UBE2L5: variants seen among roughly 807,000 people sequenced by gnomAD.
The protein encoded by UBE2L5 is ubiquitin conjugating enzyme E2 L5, also known as ubiquitin-conjugating enzyme E2 L5.
Under a neutral mutation model 10.0 loss-of-function variants are expected in UBE2L5, and 3 were observed. That is an observed-to-expected ratio of 0.30 (90% CI 0.14 to 0.78). The LOEUF is 0.78. UBE2L5 is among the 30% of genes least tolerant of loss of function. The probability of loss-of-function intolerance (pLI) is 0.65; values close to 1 mark genes in which losing one functional copy is unlikely to be tolerated. For synonymous variants in UBE2L5, 60 were observed against 71.9 expected (o/e 0.83, Z 0.83); for missense variants, 131 against 193.3 (o/e 0.68, Z 1.91).
rs141433423 is a variant in UBE2L5, at chr13:30,429,047, G to C, written c.*592G>C. ...TCACTTTGGGAAGCTGAGGTGGGTG[G>C]ATCACCTGAGGTCAGGAGTTCGAGA... is the stretch of plus-strand genomic sequence containing the variant. On this transcript the variant is annotated 3_prime_UTR_variant, in exon 4 of 4. Coordinates refer to ENST00000635918, the MANE Select transcript of UBE2L5 (RefSeq NM_001355247.2). Among the ~76,000 whole-genome samples the C allele has an allele frequency of 5.3e-5, 8 of 152,006 alleles. No individual in the cohort carries two copies. The highest frequency in any genetic ancestry group is 8.8e-5 in the Non-Finnish European group (6 of 68,006).
In UBE2L5 at chr13:30,428,912, C is replaced by G. The variant is rs7490159; in HGVS notation, c.*457C>G. Among the ~76,000 whole-genome samples, 1 of 132,256 alleles carries G rather than the reference C, an allele frequency of 7.6e-6. No homozygotes were observed. The highest frequency in any genetic ancestry group is 8.9e-5 in the Admixed American group (1 of 11,252). 86.8% of individuals were successfully genotyped at this position (132,256 alleles called of 152,430 possible). A position where few individuals can be genotyped will look rare whatever the true frequency, so the allele number is the denominator to read the frequency against. ...TGGGATGAGAGTGGCCACAGGAATT[C>G]GATGAGTCGTAGGAAATCCATTTTT... On this transcript the variant is annotated 3_prime_UTR_variant, in exon 4 of 4. Coordinates refer to ENST00000635918, the MANE Select transcript of UBE2L5 (RefSeq NM_001355247.2).
At chr13:30,426,872 G>A (rs1170679152) in intron 3 of UBE2L5, 94 bp downstream of exon 3, 1 of 152,054 alleles carries the variant, frequency 6.6e-6, no homozygotes, top group Non-Finnish European at 1.5e-5. Flanking sequence ...CCATTTTTTT[G>A]TTGTTCTAAT....
In UBE2L5 at chr13:30,429,269, G is replaced by T. The variant is rs143751026; in HGVS notation, c.*814G>T. On this transcript the variant is annotated 3_prime_UTR_variant, in exon 4 of 4. Transcript: ENST00000635918. ...CATTGCACTCCAGCCTGGGCAACAAGAGCAAAACTCTGTCCCCCCCCCACA... is the reference window on the plus strand; with the variant it reads ...CATTGCACTCCAGCCTGGGCAACAATAGCAAAACTCTGTCCCCCCCCCACA... Among the ~76,000 whole-genome samples the T allele has an allele frequency of 1.6e-3, 244 of 151,710 alleles. 1 individual carries two copies. Among genetic ancestry groups the T allele is most frequent in the African/African-American group, 5.7e-3 (233 of 41,180 alleles).
Position 30,428,909 on chromosome 13 carries a change from A to G in UBE2L5, c.*454A>G, listed in dbSNP as rs1885581532. On this transcript the variant is annotated 3_prime_UTR_variant, in exon 4 of 4. Transcript: ENST00000635918. Reference sequence around the variant, plus strand: ...AGATGGGATGAGAGTGGCCACAGGAATTCGATGAGTCGTAGGAAATCCATT... The same window carrying G: ...AGATGGGATGAGAGTGGCCACAGGAGTTCGATGAGTCGTAGGAAATCCATT... Among the ~76,000 whole-genome samples, 1 of 146,350 alleles carries G rather than the reference A, an allele frequency of 6.8e-6. No homozygotes were observed. The highest frequency in any genetic ancestry group is 7.0e-5 in the Admixed American group (1 of 14,270).
In UBE2L5 at chr13:30,422,619, T is replaced by G. The variant is rs901489302; in HGVS notation, c.-837T>G. On this transcript the variant is annotated 5_prime_UTR_variant, in exon 1 of 4. Transcript: ENST00000635918. ...ATAAATGAGATTAGAACCTGCTGGC[T>G]TCACTTCCTGGAGGCTTTTTGTTGT... 5.9e-5 allele frequency: 9 copies of G among 152,256 alleles called. No individual in the cohort carries two copies. The highest frequency in any genetic ancestry group is 1.0e-4 in the Non-Finnish European group (7 of 68,054). The allele number at this position is 152,256 out of a possible 1,614,324, so 9.4% of individuals were successfully genotyped here.
intron 3 of UBE2L5, chr13:30,426,979 C>T (rs1312795150): frequency 6.6e-6 from 1 of 152,034 alleles, no homozygotes; most frequent in Non-Finnish European, 1.5e-5. Flanking sequence ...TTGAGTAGTG[C>T]CATTAATAAT....
chr13:30,426,279 C>G (rs1885538034), intron 2 of UBE2L5, among the ~76,000 whole-genome samples: 1 of 152,094 alleles, frequency 6.6e-6, no homozygotes, highest in African/African-American at 2.4e-5. Context: ...CCACTGAACT[C>G]TAGCTTGGGA....
chr13:30,426,995 G>A (rs1460922279), intron 3 of UBE2L5: 2 of 152,094 alleles, frequency 1.3e-5, no homozygotes, highest in African/African-American at 4.8e-5. Flanking sequence ...ATAATTTATT[G>A]TAAAAGATAA....
rs372226791 is a variant in UBE2L5, at chr13:30,429,292, A to C, written c.*837A>C. Among the ~76,000 whole-genome samples the C allele has an allele frequency of 1.4e-5, 2 of 148,102 alleles. No homozygotes were observed. Among genetic ancestry groups the C allele is most frequent in the African/African-American group, 2.6e-5 (1 of 38,328 alleles). On this transcript the variant is annotated 3_prime_UTR_variant, in exon 4 of 4. Transcript: ENST00000635918. Reference sequence around the variant, plus strand: ...AAGAGCAAAACTCTGTCCCCCCCCCACAAAAAAAAATTGATTGAAATACCT... The same window carrying C: ...AAGAGCAAAACTCTGTCCCCCCCCCCCAAAAAAAAATTGATTGAAATACCT...
Position 30,427,568 on chromosome 13 carries a change from C to T in UBE2L5, c.-423C>T, listed in dbSNP as rs1339910509. 1.7e-5 allele frequency: 3 copies of T among 181,054 alleles called. No homozygotes were observed. The highest frequency in any genetic ancestry group is 2.4e-4 in the South Asian group (2 of 8,426). 11.2% of individuals were successfully genotyped at this position (181,054 alleles called of 1,614,324 possible). On this transcript the variant is annotated 5_prime_UTR_variant, in exon 4 of 4. It adds an upstream start codon to the 5' untranslated region. Transcript: ENST00000635918. Reference sequence around the variant, plus strand: ...TAATCTGAGCACTTTGGGAGACTAACGCGGGCGGATCACTTGAGGTCAGGA... The same window carrying T: ...TAATCTGAGCACTTTGGGAGACTAATGCGGGCGGATCACTTGAGGTCAGGA...
At position 30,427,703 on chromosome 13, in the gene UBE2L5, C is replaced by T. The variant is rs922888754; in HGVS notation, c.-288C>T. ...CCTGTAATCACAGCCACTTGGGAGGCCGAGGCGAGAGGATGGCTTGAACCC... is the reference window on the plus strand; with the variant it reads ...CCTGTAATCACAGCCACTTGGGAGGTCGAGGCGAGAGGATGGCTTGAACCC... On this transcript the variant is annotated 5_prime_UTR_variant, in exon 4 of 4. Transcript: ENST00000635918. The T allele has an allele frequency of 2.0e-5, 8 of 405,046 alleles. No homozygotes were observed. The highest frequency in any genetic ancestry group is 3.1e-5 in the Non-Finnish European group (7 of 229,318). The allele number at this position is 405,046 out of a possible 1,614,324, so 25.1% of individuals were successfully genotyped here. A position where few individuals can be genotyped will look rare whatever the true frequency, so the allele number is the denominator to read the frequency against.
At position 30,422,638 on chromosome 13, in the gene UBE2L5, T is replaced by C. The variant is rs1184455933; in HGVS notation, c.-818T>C. On this transcript the variant is annotated 5_prime_UTR_variant, in exon 1 of 4. Coordinates refer to ENST00000635918, the MANE Select transcript of UBE2L5 (RefSeq NM_001355247.2). Reference sequence around the variant, plus strand: ...GCTGGCTTCACTTCCTGGAGGCTTTTTGTTGTGTCTTGAAACTAGGATCTT... The same window carrying C: ...GCTGGCTTCACTTCCTGGAGGCTTTCTGTTGTGTCTTGAAACTAGGATCTT... The C allele has an allele frequency of 6.6e-6, 1 of 152,240 alleles. No homozygotes were observed. The highest frequency in any genetic ancestry group is 1.5e-5 in the Non-Finnish European group (1 of 68,046). 9.4% of individuals were successfully genotyped at this position (152,240 alleles called of 1,614,324 possible).
In UBE2L5 at chr13:30,428,166, C is replaced by A. The variant is rs1006508032; in HGVS notation, c.176C>A (p.Ala59Glu). 126 of 1,606,164 alleles carry A rather than the reference C, an allele frequency of 7.8e-5. No individual in the cohort carries two copies. The highest frequency in any genetic ancestry group is 4.9e-4 in the Middle Eastern group (3 of 6,062). ...GAFRIEINFP[A>E]EYPFKPPRIT... ...TTCAGAATCGAAATCAACTTTCCAGCAGAGTACCCATTCAAACCACCGAGG... is the reference window on the plus strand; with the variant it reads ...TTCAGAATCGAAATCAACTTTCCAGAAGAGTACCCATTCAAACCACCGAGG... Residue 59 changes from alanine to glutamate, a missense_variant, in exon 4 of 4, where the codon GCA becomes GAA. Ala to Glu is a moderately radical substitution (Grantham distance 107). Transcript: ENST00000635918.
rs1009759864 is a variant in UBE2L5, at chr13:30,427,668, G to A, written c.-323G>A. 1 of 341,836 alleles carries A rather than the reference G, an allele frequency of 2.9e-6. No homozygotes were observed. The highest frequency in any genetic ancestry group is 2.1e-5 in the African/African-American group (1 of 46,612). 21.2% of individuals were successfully genotyped at this position (341,836 alleles called of 1,614,324 possible). A position where few individuals can be genotyped will look rare whatever the true frequency, so the allele number is the denominator to read the frequency against. On this transcript the variant is annotated 5_prime_UTR_variant, in exon 4 of 4. The change creates a new upstream start codon in the 5' untranslated region. Coordinates refer to ENST00000635918, the MANE Select transcript of UBE2L5 (RefSeq NM_001355247.2). ...TACAAAAAAAAGTTAGCTGTGCATGGTGGCACGTGCCTGTAATCACAGCCA... is the reference window on the plus strand; with the variant it reads ...TACAAAAAAAAGTTAGCTGTGCATGATGGCACGTGCCTGTAATCACAGCCA...
chr13:30,429,645 G>T lies in UBE2L5; in HGVS notation c.*1190G>T, dbSNP rs1885599287. 6.6e-6 allele frequency among the ~76,000 whole-genome samples: 1 copy of T among 152,126 alleles called. No homozygotes were observed. ...TGTCCTGTAGAACATATACATAGAG[G>T]ATTGTTCACTCTCCTCCTTTTATGA... On this transcript the variant is annotated 3_prime_UTR_variant, in exon 4 of 4. Coordinates refer to ENST00000635918, the MANE Select transcript of UBE2L5 (RefSeq NM_001355247.2).
rs189480754 is a variant in UBE2L5 at position 30,422,792 on chromosome 13, G to A, written c.-779+115G>A. The A allele has an allele frequency of 9.2e-5, 14 of 152,216 alleles. No individual in the cohort carries two copies. The East Asian group carries it at 2.5e-3, about 27-fold the overall frequency. The allele number at this position is 152,216 out of a possible 1,614,324, so 9.4% of individuals were successfully genotyped here. ...TCTGGTGATGATTTCTGCTTTGCTAGGTTAGCATTGCCTCGCTTGGTGACA... is the reference window on the plus strand; with the variant it reads ...TCTGGTGATGATTTCTGCTTTGCTAAGTTAGCATTGCCTCGCTTGGTGACA... On this transcript the variant is annotated intron_variant, in intron 1 of 3. Coordinates refer to ENST00000635918, the MANE Select transcript of UBE2L5 (RefSeq NM_001355247.2).
In UBE2L5 at chr13:30,426,172, G is replaced by A. The variant is rs868774277; in HGVS notation, c.-684-553G>A. Among the ~76,000 whole-genome samples the A allele has an allele frequency of 5.4e-4, 82 of 151,162 alleles. 1 individual carries two copies. The highest frequency in any genetic ancestry group is 1.7e-3 in the African/African-American group (71 of 41,070). On this transcript the variant is annotated intron_variant, in intron 2 of 3. Transcript: ENST00000635918. Reference sequence around the variant, plus strand: ...CTAAAAATACAAAAATTAGCCAGGCGTGGTGGTGGGTGCCTGTAATCCCAA... The same window carrying A: ...CTAAAAATACAAAAATTAGCCAGGCATGGTGGTGGGTGCCTGTAATCCCAA...
At position 30,428,297 on chromosome 13, in the gene UBE2L5, C is replaced by G; in HGVS notation, c.307C>G (p.Gln103Glu). The change falls in exon 4 of 4, where the codon CAA (glutamine) becomes GAA (glutamate). Residue 103 changes from glutamine (Q) to glutamate (E), a missense_variant. Gln to Glu is a conservative substitution (Grantham distance 29). Coordinates refer to ENST00000635918, the MANE Select transcript of UBE2L5 (RefSeq NM_001355247.2). ...CTGGAAGCCAGCAACCAAAACCGAC[C>G]AAGTAATCCAGTCCCTCATAGCACT... Reference protein sequence around the residue: ...ENWKPATKTDQVIQSLIALVN... With the variant: ...ENWKPATKTDEVIQSLIALVN... 1 of 1,607,912 alleles carries G rather than the reference C, an allele frequency of 6.2e-7. No homozygotes were observed. The highest frequency in any genetic ancestry group is 8.5e-7 in the Non-Finnish European group (1 of 1,176,772).
At chr13:30,426,857 C>T (rs934570818) in intron 3 of UBE2L5, 79 bp downstream of exon 3, 11 of 152,200 alleles carry the variant, frequency 7.2e-5, no homozygotes, top group African/African-American at 2.4e-4. Context: ...CAAGTGACTG[C>T]TGTCCCATTT....
Sources: allele counts gnomAD v4.1 joint callset (sites outside exome capture counted in the v4.1 genomes callset), GRCh38; gene constraint gnomAD v4.1.1; transcripts MANE v1.5; gene names NCBI Gene and HGNC (gene_info 2026-07-23, HGNC 2026-07-21).